The following SKAP1 variants were observed in gnomAD, a reference collection of about 807,000 sequenced individuals.
SKAP1 encodes src kinase-associated phosphoprotein 1.
In SKAP1, 44 loss-of-function variants were observed where a neutral mutation model predicts 58.5. The ratio of observed to expected loss-of-function variants is 0.75; its 90% CI spans 0.59 to 0.97. The LOEUF (loss-of-function observed/expected upper bound fraction) is 0.97. SKAP1 is among the 50% of genes least tolerant of loss of function. SKAP1 has a pLI of 0.00. For missense variants in SKAP1, 390 were observed against 435.2 expected, an observed-to-expected ratio of 0.90 and a Z score of 0.92; for synonymous variants, 127 against 149.7, an observed-to-expected ratio of 0.85 and a Z score of 1.11.
intron 4 of SKAP1, among the ~76,000 whole-genome samples, chr17:48,292,085 C>T (rs972429182): frequency 7.7e-6 from 1 of 129,248 alleles, no homozygotes; most frequent in Non-Finnish European, 1.6e-5. Flanking sequence ...CTACTAAAAT[C>T]ACATAAATCA....
chr17:48,422,353 A>C (rs1208131460), intron 1 of SKAP1, among the ~76,000 whole-genome samples: 1 of 152,200 alleles, frequency 6.6e-6, no homozygotes, highest in Non-Finnish European at 1.5e-5. Flanking sequence ...CAGCTGGATA[A>C]CTCAAGTGAA....
At chr17:48,270,632 C>G (rs918910980) in intron 4 of SKAP1, among the ~76,000 whole-genome samples, 1 of 152,080 alleles carries the variant, frequency 6.6e-6, no homozygotes, top group Admixed American at 6.5e-5. Context: ...TGAGCCACTG[C>G]GCCTGGCCCT....
At chr17:48,335,595 T>A (rs955971873) in intron 4 of SKAP1, among the ~76,000 whole-genome samples, 3 of 152,092 alleles carry the variant, frequency 2.0e-5, no homozygotes, top group Non-Finnish European at 4.4e-5. Flanking sequence ...AATGCTACAA[T>A]AATAAGTTGT....
At chr17:48,422,374 A>T (rs2067805040) in intron 1 of SKAP1, among the ~76,000 whole-genome samples, 1 of 152,182 alleles carries the variant, frequency 6.6e-6, no homozygotes. Flanking sequence ...AAAAAATTTA[A>T]TTTTATTTAT....
intron 2 of SKAP1, among the ~76,000 whole-genome samples, chr17:48,369,146 A>AAAATAAAT (rs59376097): frequency 0.12 from 17,851 of 146,584 alleles, 1,358 homozygotes; most frequent in Non-Finnish European, 0.17. Context: ...ACTCCATCTC[A>AAAATAAAT]AAATAAATAA....
chr17:48,157,034 T>G (rs1460582395), intron 11 of SKAP1, among the ~76,000 whole-genome samples: 3 of 152,228 alleles, frequency 2.0e-5, no homozygotes, highest in Admixed American at 2.0e-4. Flanking sequence ...TGCCAGGCAC[T>G]TCCTTACACA....
At chr17:48,262,169 G>A (rs2065492682) in intron 4 of SKAP1, among the ~76,000 whole-genome samples, 1 of 152,220 alleles carries the variant, frequency 6.6e-6, no homozygotes, top group Non-Finnish European at 1.5e-5. Flanking sequence ...GAGGGTTGGA[G>A]AGAATCATCC....
intron 4 of SKAP1, among the ~76,000 whole-genome samples, chr17:48,228,709 A>C (rs1358978472): frequency 6.6e-6 from 1 of 152,224 alleles, no homozygotes; most frequent in Non-Finnish European, 1.5e-5. Flanking sequence ...AAACTGAGGG[A>C]TACAGAGTTT....
rs2066551277 is a variant in SKAP1 at position 48,335,038 on chromosome 17, G to A, written c.280+10867C>T. 2.0e-5 allele frequency among the ~76,000 whole-genome samples: 3 copies of A among 151,600 alleles called. 1 individual carries two copies. Among genetic ancestry groups the A allele is most frequent in the South Asian group, 4.2e-4 (2 of 4,798 alleles). On this transcript the variant is annotated intron_variant, in intron 4 of 12. Transcript: ENST00000336915. ...GTATATTCTCACTCACTTCACCTGC[G>A]ACTGACCCCTTTTCATTTTGTTCTG...
At chr17:48,321,093 A>G (rs2066355916) in intron 4 of SKAP1, among the ~76,000 whole-genome samples, 1 of 152,122 alleles carries the variant, frequency 6.6e-6, no homozygotes, top group Admixed American at 6.5e-5. Context: ...AACAGAATGG[A>G]GAGAAACAAG....
intron 2 of SKAP1, among the ~76,000 whole-genome samples, chr17:48,384,999 C>T (rs1037612436): frequency 6.6e-6 from 1 of 151,986 alleles, no homozygotes; most frequent in African/African-American, 2.4e-5. Flanking sequence ...GAAAAATGAG[C>T]TCAAGGGCCT....
At chr17:48,294,605 A>G (rs1157595347) in intron 4 of SKAP1, 1 of 152,216 alleles carries the variant, frequency 6.6e-6, no homozygotes, top group Non-Finnish European at 1.5e-5. Flanking sequence ...CTGTGTAGAA[A>G]GCAATTATCA....
chr17:48,357,427 G>A lies in SKAP1; in HGVS notation c.178+6362C>T, dbSNP rs376149495. On this transcript the variant is annotated intron_variant, in intron 3 of 12. Coordinates refer to ENST00000336915, the MANE Select transcript of SKAP1 (RefSeq NM_003726.4). ...GGATGGATCATGAGGTCAGGAGATCGAGACCATCCTGGCTAATACGGTGAA... is the reference window on the plus strand; with the variant it reads ...GGATGGATCATGAGGTCAGGAGATCAAGACCATCCTGGCTAATACGGTGAA... 2.0e-5 allele frequency among the ~76,000 whole-genome samples: 3 copies of A among 152,178 alleles called. No individual in the cohort carries two copies. In the East Asian group the frequency reaches 5.8e-4, roughly 29 times the overall value.
intron 2 of SKAP1, among the ~76,000 whole-genome samples, chr17:48,367,830 G>A (rs1309344814): frequency 2.0e-5 from 3 of 150,770 alleles, no homozygotes; most frequent in Non-Finnish European, 2.9e-5. Context: ...TGGGAGGATC[G>A]CTTGAACCCA....
intron 4 of SKAP1, among the ~76,000 whole-genome samples, chr17:48,304,574 C>CA (rs889453206): frequency 2.0e-5 from 3 of 152,212 alleles, no homozygotes; most frequent in Non-Finnish European, 4.4e-5. Context: ...ATGAGCAACA[C>CA]AACCTGATAG....
chr17:48,353,757 G>A (rs187243089), intron 3 of SKAP1, among the ~76,000 whole-genome samples: 50 of 151,994 alleles, frequency 3.3e-4, no homozygotes, highest in African/African-American at 1.2e-3. Context: ...TTAGCTGGGC[G>A]TGGTGGCAGG....
intron 2 of SKAP1, among the ~76,000 whole-genome samples, chr17:48,388,933 G>A (rs1448147810): frequency 1.3e-5 from 2 of 152,184 alleles, no homozygotes; most frequent in Admixed American, 1.3e-4. Flanking sequence ...ACAAATGAGA[G>A]TCACTCACTA....
intron 10 of SKAP1, among the ~76,000 whole-genome samples, chr17:48,165,157 C>G (rs56715956): frequency 6.6e-6 from 1 of 152,288 alleles, no homozygotes; most frequent in African/African-American, 2.4e-5. Context: ...AATAGGGAAT[C>G]TAACATAGTT....
chr17:48,383,099 T>C (rs2067236207), intron 2 of SKAP1, among the ~76,000 whole-genome samples: 1 of 152,196 alleles, frequency 6.6e-6, no homozygotes, highest in African/African-American at 2.4e-5. Flanking sequence ...AAATAGCCAA[T>C]ACATATTTGT....
Sources: gnomAD v4.1 joint callset for allele counts (sites outside exome capture counted in the v4.1 genomes callset) on GRCh38, gnomAD v4.1.1 for gene constraint, MANE v1.5 for transcripts, NCBI Gene and HGNC (gene_info 2026-07-23, HGNC 2026-07-21) for gene names.